Variants in DOCK1 observed in about 807,000 individuals in gnomAD.
DOCK1 encodes dedicator of cytokinesis protein 1.
A neutral mutation model predicts 262.7 loss-of-function variants in DOCK1; 138 were observed. The observed-to-expected ratio is 0.53, with a 90% CI of 0.46 to 0.61. DOCK1 has a LOEUF of 0.61. DOCK1 is among the 20% of genes least tolerant of loss of function. The pLI is 0.00. For missense variants in DOCK1, 1,908 were observed against 2,370.7 expected (o/e 0.80, Z 4.05); for synonymous variants, 866 against 867.4 (o/e 1.00, Z 0.03).
chr10:126,913,548 G>A (rs1418487784), intron 1 of DOCK1, among the ~76,000 whole-genome samples: 1 of 152,186 alleles, frequency 6.6e-6, no homozygotes, highest in Non-Finnish European at 1.5e-5. Context: ...GGAGCTCATG[G>A]GGCAAGGGAG....
At chr10:127,067,542 T>C (rs7921815) in intron 23 of DOCK1, among the ~76,000 whole-genome samples, 5,990 of 152,172 alleles carry the variant, frequency 0.039, 340 homozygotes, top group East Asian at 0.13. Context: ...TATGTGTGCG[T>C]GTGTGTTGTG....
chr10:127,215,853 A>G (rs2058185705), intron 27 of DOCK1, among the ~76,000 whole-genome samples: 1 of 151,694 alleles, frequency 6.6e-6, no homozygotes, highest in African/African-American at 2.4e-5. Flanking sequence ...AAAACAACAA[A>G]AGCAAAAACA....
At chr10:127,060,260 G>C (rs4751519) in intron 22 of DOCK1, among the ~76,000 whole-genome samples, 133,683 of 152,132 alleles carry the variant, frequency 0.88, 59,011 homozygotes, top group South Asian at 0.93. Context: ...GATGGCTCCC[G>C]AAGGGTTGCA....
chr10:127,000,130 T>TAATG, intron 9 of DOCK1, 42 bp from the exon 10 acceptor site: 1 of 1,609,494 alleles, frequency 6.2e-7, no homozygotes, highest in East Asian at 2.2e-5. Flanking sequence ...TTGCATTGAA[T>TAATG]AATGGGTCTC....
intron 3 of DOCK1, among the ~76,000 whole-genome samples, chr10:126,979,369 A>G (rs1220422740): frequency 6.6e-6 from 1 of 152,148 alleles, no homozygotes; most frequent in African/African-American, 2.4e-5. Flanking sequence ...CTAAAAAAAT[A>G]GTGTGTATCT....
intron 6 of DOCK1, among the ~76,000 whole-genome samples, chr10:126,991,138 T>C (rs1345526882): frequency 1.3e-5 from 2 of 152,188 alleles, no homozygotes; most frequent in Non-Finnish European, 1.5e-5. Context: ...TTATGTCTCT[T>C]GCCAGAGCAA....
At chr10:127,124,604 TCTGATC>T (rs565107749) in intron 25 of DOCK1, among the ~76,000 whole-genome samples, 1 of 152,364 alleles carries the variant, frequency 6.6e-6, no homozygotes, top group Non-Finnish European at 1.5e-5. Flanking sequence ...CTGCTTTGCC[TCTGATC>T]CTTACACCAT....
At chr10:127,152,283 T>C (rs1283726057) in intron 27 of DOCK1, among the ~76,000 whole-genome samples, 1 of 152,236 alleles carries the variant, frequency 6.6e-6, no homozygotes, top group African/African-American at 2.4e-5. Flanking sequence ...AATTCTCTTT[T>C]GCAAGATGAG....
chr10:127,126,003 GT>G (rs1284882481), intron 26 of DOCK1, among the ~76,000 whole-genome samples: 1 of 151,496 alleles, frequency 6.6e-6, no homozygotes, highest in Non-Finnish European at 1.5e-5. Flanking sequence ...TGAGGGAGTC[GT>G]AAGGAGAAGA....
intron 27 of DOCK1, among the ~76,000 whole-genome samples, chr10:127,185,400 C>T (rs2056136047): frequency 6.6e-6 from 1 of 152,132 alleles, no homozygotes; most frequent in Non-Finnish European, 1.5e-5. Context: ...GTGATGCGTG[C>T]CTGTAATCCC....
intron 23 of DOCK1, among the ~76,000 whole-genome samples, chr10:127,073,766 A>G (rs995517706): frequency 1.3e-5 from 2 of 152,252 alleles, no homozygotes; most frequent in Non-Finnish European, 2.9e-5. Context: ...GAGCTTCATA[A>G]TGCAGAAAAT....
chr10:127,063,113 C>T (rs1591858165), intron 23 of DOCK1, among the ~76,000 whole-genome samples: 1 of 152,302 alleles, frequency 6.6e-6, no homozygotes, highest in Non-Finnish European at 1.5e-5. Flanking sequence ...CAATTTGCTG[C>T]CTGCACTAAT....
chr10:127,224,663 T>C lies in DOCK1; in HGVS notation c.2848-23345T>C, dbSNP rs532684757. On this transcript the variant is annotated intron_variant, in intron 27 of 51. Coordinates refer to ENST00000623213, the MANE Select transcript of DOCK1 (RefSeq NM_001290223.2). ...TGAACCCAGTAGGTTAAGGCCGTGG[T>C]GAGCTCTGATCACACCCCTATACTT... Among the ~76,000 whole-genome samples the C allele has an allele frequency of 6.3e-3, 956 of 151,998 alleles. 12 individuals are homozygous for C. The highest frequency in any genetic ancestry group is 0.022 in the African/African-American group (892 of 41,462).
intron 29 of DOCK1, among the ~76,000 whole-genome samples, chr10:127,289,427 G>A (rs915019546): frequency 6.6e-6 from 1 of 152,118 alleles, no homozygotes. Context: ...ATAGCCTCAT[G>A]CACACAACTT....
chr10:127,274,454 T>C (rs1245835400), intron 29 of DOCK1, among the ~76,000 whole-genome samples: 1 of 151,842 alleles, frequency 6.6e-6, no homozygotes, highest in Non-Finnish European at 1.5e-5. Flanking sequence ...GCACAGGGAG[T>C]AGGAGATTTG....
chr10:127,280,961 CTATT>C (rs369480503), intron 29 of DOCK1, among the ~76,000 whole-genome samples: 69 of 152,278 alleles, frequency 4.5e-4, no homozygotes, highest in African/African-American at 1.5e-3. Flanking sequence ...ATCACCAACA[CTATT>C]TAGTTTAGCG....
At chr10:126,949,222 G>C (rs999770846) in intron 1 of DOCK1, among the ~76,000 whole-genome samples, 1 of 152,094 alleles carries the variant, frequency 6.6e-6, no homozygotes, top group Non-Finnish European at 1.5e-5. Flanking sequence ...GGGACATGGG[G>C]TTAACACACC....
intron 19 of DOCK1, 130 bp downstream of exon 19, chr10:127,037,946 C>T: frequency 7.6e-6 from 6 of 790,584 alleles, no homozygotes; most frequent in Middle Eastern, 3.5e-4. Flanking sequence ...AAAATAGTGA[C>T]ATAGGGATTG....
At chr10:127,124,713 T>C (rs2049834703) in intron 25 of DOCK1, among the ~76,000 whole-genome samples, 1 of 152,182 alleles carries the variant, frequency 6.6e-6, no homozygotes, top group African/African-American at 2.4e-5. Flanking sequence ...TCCAGGAAGC[T>C]GTCTTGAGAA....
Sources: allele counts gnomAD v4.1 joint callset (sites outside exome capture counted in the v4.1 genomes callset), GRCh38; gene constraint gnomAD v4.1.1; transcripts MANE v1.5; gene names NCBI Gene and HGNC (gene_info 2026-07-23, HGNC 2026-07-21).